Variants in TRPM7 observed in about 807,000 individuals in gnomAD.
The protein encoded by TRPM7 is transient receptor potential cation channel subfamily M member 7, also known as LTRPC ion channel family member 7.
In TRPM7, 134 loss-of-function variants were observed where a neutral mutation model predicts 229.7. The ratio of observed to expected loss-of-function variants is 0.58; its 90% CI spans 0.51 to 0.67. TRPM7 has a LOEUF of 0.67. Ranked by LOEUF, TRPM7 falls within the 30% of genes least tolerant of loss-of-function variation. The probability of loss-of-function intolerance (pLI) is 0.00; values close to 1 mark genes in which losing one functional copy is unlikely to be tolerated. For synonymous variants in TRPM7, 699 were observed against 715.2 expected, an observed-to-expected ratio of 0.98 and a Z score of 0.36; for missense variants, 1,901 against 2,210.0, an observed-to-expected ratio of 0.86 and a Z score of 2.80.
intron 5 of TRPM7, among the ~76,000 whole-genome samples, chr15:50,643,072 C>T (rs1428636080): frequency 3.3e-5 from 5 of 151,970 alleles, no homozygotes; most frequent in Admixed American, 6.6e-5. Context: ...TTGCGGATCA[C>T]GAGGTCAGCA....
intron 4 of TRPM7, among the ~76,000 whole-genome samples, chr15:50,644,792 C>T (rs1164863205): frequency 3.5e-5 from 4 of 113,242 alleles, no homozygotes; most frequent in African/African-American, 1.5e-4. Context: ...AGCGAAACTG[C>T]GTCTCAAAAA....
Position 50,605,137 on chromosome 15 carries a change from A to G in TRPM7, c.2717T>C (p.Met906Thr), listed in dbSNP as rs2059887239. Residue 906 changes from methionine to threonine, a missense_variant, in exon 21 of 39, where the codon ATG becomes ACG. Around this residue, in one of 8 missense-constraint regions of TRPM7, gnomAD observed 207 missense variants for 241.5 expected, o/e 0.86. Coordinates refer to ENST00000646667, the MANE Select transcript of TRPM7 (RefSeq NM_017672.6). ...CTGGTTTACTTTCCCAGCTTCAGAC[A>G]TAAAGATCTAAAGGTTTAACAACAA... Reference protein sequence around the residue: ...YAIEKVREIFMSEAGKVNQKI... With the variant: ...YAIEKVREIFTSEAGKVNQKI... 1 of 1,592,618 alleles carries G rather than the reference A, an allele frequency of 6.3e-7. No individual in the cohort carries two copies. The highest frequency in any genetic ancestry group is 1.1e-5 in the South Asian group (1 of 87,986).
At chr15:50,641,085 C>T (rs1401522489) in intron 5 of TRPM7, among the ~76,000 whole-genome samples, 1 of 152,164 alleles carries the variant, frequency 6.6e-6, no homozygotes, top group Non-Finnish European at 1.5e-5. Context: ...ATGAAAATAG[C>T]ATCTTCGTAG....
At chr15:50,633,241 A>G (rs1401028806) in intron 8 of TRPM7, among the ~76,000 whole-genome samples, 3 of 152,212 alleles carry the variant, frequency 2.0e-5, no homozygotes, top group South Asian at 2.1e-4. Flanking sequence ...GTGTGTGGCA[A>G]TATCAGTACT....
At chr15:50,624,551 A>C (rs1286435705) in intron 11 of TRPM7, among the ~76,000 whole-genome samples, 3 of 152,198 alleles carry the variant, frequency 2.0e-5, no homozygotes, top group Admixed American at 6.5e-5. Context: ...TAAGTGTTAC[A>C]TGGGGGAAAA....
chr15:50,614,322 C>T (rs1015668361), intron 13 of TRPM7, 59 bp from the exon 14 acceptor site: 2 of 1,454,482 alleles, frequency 1.4e-6, no homozygotes, highest in Non-Finnish European at 9.3e-7. Context: ...ATTGCCATGC[C>T]CTGCCTAGGA....
At chr15:50,650,150 G>A (rs895120566) in intron 3 of TRPM7, among the ~76,000 whole-genome samples, 20 of 132,698 alleles carry the variant, frequency 1.5e-4, no homozygotes, top group African/African-American at 5.6e-4. Context: ...CAGAGATTGG[G>A]CCACTGCACT....
chr15:50,645,234 G>C (rs2061228602), intron 4 of TRPM7, among the ~76,000 whole-genome samples: 1 of 151,972 alleles, frequency 6.6e-6, no homozygotes. Flanking sequence ...TAGACACAAG[G>C]TTTCACCATG....
At chr15:50,651,766 T>C (rs955413994) in intron 3 of TRPM7, among the ~76,000 whole-genome samples, 1 of 152,058 alleles carries the variant, frequency 6.6e-6, no homozygotes, top group Non-Finnish European at 1.5e-5. Context: ...GGCAGTCGCC[T>C]GTAATCCCAG....
intron 12 of TRPM7, among the ~76,000 whole-genome samples, chr15:50,620,995 T>C (rs913259475): frequency 5.9e-5 from 9 of 151,938 alleles, no homozygotes; most frequent in African/African-American, 1.9e-4. Context: ...CCGTCTCTAC[T>C]AAAAATACAA....
chr15:50,628,178 G>A lies in TRPM7; in HGVS notation c.1276C>T (p.His426Tyr). Residue 426 changes from histidine (H) to tyrosine (Y), a missense_variant, in exon 11 of 39, where the codon CAT (histidine) becomes TAT (tyrosine). This residue lies in a region of TRPM7 where 794 missense variants were observed against 881.9 expected (regional missense o/e 0.90). Transcript: ENST00000646667. ...AWDRVDIAKN[H>Y]VFVYGQQWLV... ...CACTGCTGTCCATAAACAAATACATGATTTTTGGCAATGTCAACTCTATCC... is the reference window on the plus strand; with the variant it reads ...CACTGCTGTCCATAAACAAATACATAATTTTTGGCAATGTCAACTCTATCC... 6.2e-7 allele frequency: 1 copy of A among 1,613,146 alleles called. No homozygotes were observed. The highest frequency in any genetic ancestry group is 8.5e-7 in the Non-Finnish European group (1 of 1,179,684).
rs2059526697 is a variant in TRPM7, at chr15:50,592,344, T to C, written c.3891A>G (p.Thr1297=). 2 of 1,614,122 alleles carry C rather than the reference T, an allele frequency of 1.2e-6. No individual in the cohort carries two copies. The highest frequency in any genetic ancestry group is 1.7e-6 in the Non-Finnish European group (2 of 1,179,998). The part of the protein sequence containing the change: ...SVWKKHGVVN[T]LSSSLPQGDL... ...CACCTTGAGGAAGAGAGGAGCTAAG[T>C]GTATTTACAACACCATGCTTTTTCC... Residue 1297 remains threonine, a synonymous_variant, in exon 26 of 39, where the codon ACA becomes ACG. Transcript: ENST00000646667.
At chr15:50,673,498 CT>C (rs922892356) in intron 1 of TRPM7, among the ~76,000 whole-genome samples, 2 of 152,146 alleles carry the variant, frequency 1.3e-5, no homozygotes, top group African/African-American at 4.8e-5. Context: ...TCAGCTCCCA[CT>C]TATGAGTGGG....
intron 28 of TRPM7, among the ~76,000 whole-genome samples, chr15:50,586,054 A>G (rs1462714827): frequency 6.6e-6 from 1 of 152,250 alleles, no homozygotes; most frequent in Admixed American, 6.5e-5. Flanking sequence ...GATTTTTAAA[A>G]GTTAAACTAG....
At chr15:50,651,635 G>A (rs1311538689) in intron 3 of TRPM7, among the ~76,000 whole-genome samples, 4 of 151,874 alleles carry the variant, frequency 2.6e-5, no homozygotes, top group South Asian at 2.1e-4. Flanking sequence ...GTCTCTAAAC[G>A]AAAAAATTAA....
At chr15:50,662,123 G>A (rs907515716) in intron 2 of TRPM7, among the ~76,000 whole-genome samples, 1 of 152,118 alleles carries the variant, frequency 6.6e-6, no homozygotes, top group African/African-American at 2.4e-5. Flanking sequence ...GGGAGGCCAA[G>A]GCAGGTGGAT....
intron 1 of TRPM7, among the ~76,000 whole-genome samples, chr15:50,682,036 G>C (rs12910276): frequency 0.14 from 20,816 of 151,868 alleles, 1,458 homozygotes; most frequent in Middle Eastern, 0.2. Context: ...AAATTAGTCA[G>C]GCATGGTGGC....
intron 1 of TRPM7, among the ~76,000 whole-genome samples, chr15:50,681,294 A>ACAC (rs1567131460): frequency 2.9e-5 from 3 of 101,912 alleles, no homozygotes; most frequent in Non-Finnish European, 5.9e-5. Context: ...CACACACACA[A>ACAC]AGCATTCAGA....
At position 50,605,049 on chromosome 15, in the gene TRPM7, G is replaced by T; in HGVS notation, c.2805C>A (p.Phe935Leu). 6.2e-7 allele frequency: 1 copy of T among 1,613,762 alleles called. No individual in the cohort carries two copies. The highest frequency in any genetic ancestry group is 8.5e-7 in the Non-Finnish European group (1 of 1,179,870). Residue 935 changes from phenylalanine (F) to leucine (L), a missense_variant, in exon 21 of 39, where the codon TTC (phenylalanine) becomes TTA (leucine). By Grantham distance (22) the Phe-to-Leu change is conservative. Transcript: ENST00000646667. ...CAAATCTTAGTCCAAATCCAATGAA[G>T]AAAGAAATTATGGCAATTGTATCAC... ...NISDTIAIIS[F>L]FIGFGLRFGA...
Sources: gnomAD v4.1 joint callset for allele counts (sites outside exome capture counted in the v4.1 genomes callset) on GRCh38, gnomAD v4.1.1 for gene constraint, gnomAD v4.1.1 regional missense constraint, MANE v1.5 for transcripts, NCBI Gene and HGNC (gene_info 2026-07-23, HGNC 2026-07-21) for gene names.